Variants in EPHA4 observed in about 807,000 individuals in gnomAD.
EPHA4 encodes ephrin type-A receptor 4.
EPHA4 carries 19 observed loss-of-function variants against 108.3 expected under a neutral mutation model. The observed-to-expected ratio is 0.18, with a 90% CI of 0.12 to 0.26. The LOEUF (loss-of-function observed/expected upper bound fraction) is 0.26. Ranked by LOEUF, EPHA4 falls within the 10% of genes least tolerant of loss-of-function variation. EPHA4 has a pLI of 1.00. For synonymous variants in EPHA4, 449 were observed against 455.5 expected, an observed-to-expected ratio of 0.99 and a Z score of 0.18; for missense variants, 917 against 1,254.0, an observed-to-expected ratio of 0.73 and a Z score of 4.06.
In EPHA4 at chr2:221,474,274, G is replaced by A. The variant is rs140445201; in HGVS notation, c.1318+8078C>T. On this transcript the variant is annotated intron_variant, in intron 5 of 17. Coordinates refer to ENST00000281821, the MANE Select transcript of EPHA4 (RefSeq NM_004438.5). ...TCACAGACACTGGTGCCACACACAAGAGGCTGCGCCATTGTATATCTGCTG... is the reference window on the plus strand; with the variant it reads ...TCACAGACACTGGTGCCACACACAAAAGGCTGCGCCATTGTATATCTGCTG... 1.7e-3 allele frequency among the ~76,000 whole-genome samples: 256 copies of A among 152,164 alleles called. 1 individual carries two copies. Among genetic ancestry groups the A allele is most frequent in the African/African-American group, 5.7e-3 (238 of 41,512 alleles).
chr2:221,544,101 T>C (rs1031152130), intron 3 of EPHA4, among the ~76,000 whole-genome samples: 14 of 152,190 alleles, frequency 9.2e-5, no homozygotes, highest in Middle Eastern at 3.2e-3. Flanking sequence ...GGCTCCACTC[T>C]CATGACCTAA....
chr2:221,453,672 G>A (rs546246821), intron 8 of EPHA4, among the ~76,000 whole-genome samples: 1 of 152,290 alleles, frequency 6.6e-6, no homozygotes, highest in East Asian at 1.9e-4. Flanking sequence ...AAACAGAAAT[G>A]AGAATTTATT....
At chr2:221,547,450 G>A (rs189926947) in intron 3 of EPHA4, among the ~76,000 whole-genome samples, 2 of 152,228 alleles carry the variant, frequency 1.3e-5, no homozygotes, top group African/African-American at 4.8e-5. Context: ...TACTTAAGTT[G>A]AAAAGAAAAG....
chr2:221,457,099 C>T (rs909024718), intron 6 of EPHA4, among the ~76,000 whole-genome samples: 1 of 152,054 alleles, frequency 6.6e-6, no homozygotes, highest in Non-Finnish European at 1.5e-5. Flanking sequence ...AAAGAAATAA[C>T]TGTGAGAAGG....
chr2:221,478,251 G>T (rs1691718790), intron 5 of EPHA4, among the ~76,000 whole-genome samples: 2 of 152,060 alleles, frequency 1.3e-5, no homozygotes, highest in African/African-American at 4.8e-5. Flanking sequence ...TCTGTTGCTT[G>T]GCCAGAAAAC....
intron 3 of EPHA4, among the ~76,000 whole-genome samples, chr2:221,514,519 G>A (rs1038787350): frequency 4.6e-5 from 7 of 152,282 alleles, no homozygotes; most frequent in Non-Finnish European, 5.9e-5. Flanking sequence ...ATGGGAAAAG[G>A]CATGAAGCCA....
At chr2:221,426,341 T>C (rs1165098325) in intron 16 of EPHA4, 123 bp downstream of exon 16, 2 of 1,241,692 alleles carry the variant, frequency 1.6e-6, no homozygotes, top group Non-Finnish European at 2.2e-6. Context: ...TTATACTCAA[T>C]CAAAATGAGA....
intron 8 of EPHA4, among the ~76,000 whole-genome samples, chr2:221,449,317 T>G (rs1574572490): frequency 6.6e-6 from 1 of 152,198 alleles, no homozygotes; most frequent in African/African-American, 2.4e-5. Flanking sequence ...AGTTCACCAC[T>G]GGGGCAGCCA....
intron 3 of EPHA4, among the ~76,000 whole-genome samples, chr2:221,525,338 C>T (rs888146728): frequency 2.0e-5 from 3 of 152,168 alleles, no homozygotes; most frequent in Non-Finnish European, 4.4e-5. Flanking sequence ...TTTTCTGACT[C>T]GTGGTCTGGA....
chr2:221,490,659 G>A (rs112863193), intron 4 of EPHA4, among the ~76,000 whole-genome samples: 87 of 152,282 alleles, frequency 5.7e-4, no homozygotes, highest in African/African-American at 2.0e-3. Flanking sequence ...GCACTTCAGC[G>A]TCTTAGCTGT....
chr2:221,552,525 G>C (rs1694192485), intron 3 of EPHA4, among the ~76,000 whole-genome samples: 3 of 152,196 alleles, frequency 2.0e-5, no homozygotes, highest in Admixed American at 2.0e-4. Context: ...CCTTGGAAGA[G>C]TGCGAGGAGG....
chr2:221,427,865 AT>A (rs1689959006), intron 15 of EPHA4, among the ~76,000 whole-genome samples: 1 of 152,080 alleles, frequency 6.6e-6, no homozygotes, highest in Non-Finnish European at 1.5e-5. Flanking sequence ...GACTTGTATT[AT>A]TTCTTTTTTA....
At chr2:221,520,087 G>T (rs1441304906) in intron 3 of EPHA4, among the ~76,000 whole-genome samples, 1 of 151,964 alleles carries the variant, frequency 6.6e-6, no homozygotes, top group Admixed American at 6.6e-5. Context: ...TGATGTTCAT[G>T]CTGATCATGT....
At chr2:221,553,282 G>A (rs776352924) in intron 3 of EPHA4, among the ~76,000 whole-genome samples, 34 of 152,276 alleles carry the variant, frequency 2.2e-4, no homozygotes, top group Admixed American at 3.9e-4. Flanking sequence ...AGTTGCGAAC[G>A]GTTATTAAAG....
At chr2:221,472,415 A>G (rs1413798334) in intron 5 of EPHA4, among the ~76,000 whole-genome samples, 1 of 152,026 alleles carries the variant, frequency 6.6e-6, no homozygotes, top group African/African-American at 2.4e-5. Flanking sequence ...CCCCCTTTTC[A>G]GTGTTTGTGC....
intron 3 of EPHA4, among the ~76,000 whole-genome samples, chr2:221,529,267 T>C (rs532417653): frequency 1.3e-5 from 2 of 152,250 alleles, no homozygotes; most frequent in Admixed American, 1.3e-4. Context: ...GAAAGGGACT[T>C]TGCTGCAGGG....
At position 221,436,441 on chromosome 2, in the gene EPHA4, G is replaced by A; in HGVS notation, c.2304C>T (p.Ser768=). The A allele has an allele frequency of 1.2e-6, 2 of 1,614,072 alleles. No individual in the cohort carries two copies. Among genetic ancestry groups the A allele is most frequent in the Admixed American group, 1.7e-5 (1 of 60,010 alleles). Residue 768 remains serine (S), a synonymous_variant, in exon 13 of 18, where the codon TCC becomes TCT. Transcript: ENST00000281821. The part of the protein sequence containing the change: ...LVCKVSDFGM[S]RVLEDDPEAA... ...CTTCCGGATCATCCTCAAGCACTCGGGACATGCCAAAATCAGACACTTTGC... is the reference window on the plus strand; with the variant it reads ...CTTCCGGATCATCCTCAAGCACTCGAGACATGCCAAAATCAGACACTTTGC...
At chr2:221,560,835 T>C (rs1478017664) in intron 3 of EPHA4, among the ~76,000 whole-genome samples, 1 of 152,230 alleles carries the variant, frequency 6.6e-6, no homozygotes, top group Non-Finnish European at 1.5e-5. Context: ...TCCTCGTCTC[T>C]ATATTATTTC....
chr2:221,525,361 G>A (rs1693291772), intron 3 of EPHA4, among the ~76,000 whole-genome samples: 1 of 152,174 alleles, frequency 6.6e-6, no homozygotes, highest in Non-Finnish European at 1.5e-5. Context: ...GTAGAGCTGT[G>A]GAGGAAAACG....
Sources: allele counts gnomAD v4.1 joint callset (sites outside exome capture counted in the v4.1 genomes callset), GRCh38; gene constraint gnomAD v4.1.1; transcripts MANE v1.5; gene names NCBI Gene and HGNC (gene_info 2026-07-23, HGNC 2026-07-21).